MLLT3: variants seen among roughly 807,000 people sequenced by gnomAD.
MLLT3 encodes the protein protein AF-9.
Under a neutral mutation model 53.2 loss-of-function variants are expected in MLLT3, and 4 were observed. The ratio of observed to expected loss-of-function variants is 0.08; its 90% CI spans 0.04 to 0.17. The LOEUF (loss-of-function observed/expected upper bound fraction) is 0.17. Among genes scored for constraint, MLLT3 ranks in the 10% least tolerant of loss-of-function variants. MLLT3 has a pLI of 1.00. For missense variants in MLLT3, 569 were observed against 684.0 expected, an observed-to-expected ratio of 0.83 and a Z score of 1.87; for synonymous variants, 283 against 230.6, an observed-to-expected ratio of 1.23 and a Z score of -2.06.
chr9:20,545,921 G>C (rs1035314209), intron 2 of MLLT3, among the ~76,000 whole-genome samples: 1 of 151,506 alleles, frequency 6.6e-6, no homozygotes, highest in African/African-American at 2.4e-5. Context: ...GAAAGACTGA[G>C]GCAGAAGGAT....
intron 5 of MLLT3, among the ~76,000 whole-genome samples, chr9:20,373,169 T>C (rs1034444640): frequency 6.6e-6 from 1 of 152,060 alleles, no homozygotes; most frequent in Non-Finnish European, 1.5e-5. Flanking sequence ...TATAATAAAG[T>C]AAAAACACCT....
chr9:20,444,025 C>T (rs1823625295), intron 4 of MLLT3, among the ~76,000 whole-genome samples: 1 of 152,142 alleles, frequency 6.6e-6, no homozygotes, highest in Non-Finnish European at 1.5e-5. Flanking sequence ...CCCCAATATA[C>T]AATATCTAAT....
At chr9:20,584,239 C>G (rs973631131) in intron 2 of MLLT3, among the ~76,000 whole-genome samples, 13 of 152,152 alleles carry the variant, frequency 8.5e-5, no homozygotes, top group African/African-American at 3.1e-4. Flanking sequence ...CTGAGACCAC[C>G]TCAGCCTAGA....
intron 5 of MLLT3, among the ~76,000 whole-genome samples, chr9:20,392,308 C>G (rs1822205380): frequency 6.6e-6 from 1 of 152,148 alleles, no homozygotes; most frequent in Non-Finnish European, 1.5e-5. Context: ...TTTGTCAGCT[C>G]TTTAAAATGT....
At position 20,600,974 on chromosome 9, in the gene MLLT3, T is replaced by TG. The variant is rs199918097; in HGVS notation, c.193+19679_193+19680insC. On this transcript the variant is annotated intron_variant, in intron 2 of 10. Transcript: ENST00000380338. ...ATTGTGACAAAGCCCCAGGGGTCCC[T>TG]AAGGCATTTCTAGGGTTTCTTTAAA... is the stretch of plus-strand genomic sequence containing the variant. 4.0e-3 allele frequency among the ~76,000 whole-genome samples: 611 copies of TG among 152,280 alleles called. 10 individuals are homozygous for TG. In the East Asian group the frequency reaches 0.048, roughly 12 times the overall value.
chr9:20,402,973 G>A (rs796662967), intron 5 of MLLT3, among the ~76,000 whole-genome samples: 3 of 152,272 alleles, frequency 2.0e-5, no homozygotes, highest in African/African-American at 7.2e-5. Flanking sequence ...GTTTTTAAAT[G>A]GTAACAACTC....
At chr9:20,606,087 C>T (rs543855061) in intron 2 of MLLT3, among the ~76,000 whole-genome samples, 14 of 152,180 alleles carry the variant, frequency 9.2e-5, no homozygotes, top group Admixed American at 2.6e-4. Flanking sequence ...TAATTAATGA[C>T]GAGAATTCAA....
chr9:20,555,003 T>C (rs915554827), intron 2 of MLLT3, among the ~76,000 whole-genome samples: 4 of 152,364 alleles, frequency 2.6e-5, no homozygotes, highest in Non-Finnish European at 4.4e-5. Flanking sequence ...TTTTAATTAT[T>C]CCTTTCTAAT....
chr9:20,564,103 G>A (rs1029270351), intron 2 of MLLT3, among the ~76,000 whole-genome samples: 1 of 152,040 alleles, frequency 6.6e-6, no homozygotes, highest in African/African-American at 2.4e-5. Flanking sequence ...AAATATACGG[G>A]CCTATCTTTC....
chr9:20,565,622 G>A (rs1819334412), intron 2 of MLLT3, among the ~76,000 whole-genome samples: 1 of 151,532 alleles, frequency 6.6e-6, no homozygotes, highest in Admixed American at 6.6e-5. Context: ...AACATGCCCA[G>A]GTTCACTGAA....
At chr9:20,419,484 A>G (rs1236731719) in intron 4 of MLLT3, among the ~76,000 whole-genome samples, 2 of 151,850 alleles carry the variant, frequency 1.3e-5, no homozygotes, top group Non-Finnish European at 1.5e-5. Flanking sequence ...CATAAACTAA[A>G]GAGAGGGCTG....
At chr9:20,482,008 A>T (rs1824674454) in intron 2 of MLLT3, among the ~76,000 whole-genome samples, 1 of 152,218 alleles carries the variant, frequency 6.6e-6, no homozygotes, top group Admixed American at 6.5e-5. Context: ...CGAACTCAAG[A>T]GTCCTCTCCT....
intron 3 of MLLT3, among the ~76,000 whole-genome samples, chr9:20,455,387 G>C (rs1030629968): frequency 6.6e-6 from 1 of 152,248 alleles, no homozygotes; most frequent in Non-Finnish European, 1.5e-5. Flanking sequence ...CACTGTTCCA[G>C]TGGAAGGGAT....
At chr9:20,441,690 T>TTA (rs1481594816) in intron 4 of MLLT3, among the ~76,000 whole-genome samples, 1 of 152,098 alleles carries the variant, frequency 6.6e-6, no homozygotes, top group Non-Finnish European at 1.5e-5. Flanking sequence ...AATTACAGAA[T>TTA]TATATATATC....
At chr9:20,366,027 C>A in intron 5 of MLLT3, among the ~76,000 whole-genome samples, 1 of 152,170 alleles carries the variant, frequency 6.6e-6, no homozygotes, top group South Asian at 2.1e-4. Context: ...CTATACAGGT[C>A]TCCCTCTTTT....
At chr9:20,572,340 C>CAAAAT (rs1450292188) in intron 2 of MLLT3, among the ~76,000 whole-genome samples, 1 of 152,092 alleles carries the variant, frequency 6.6e-6, no homozygotes, top group Non-Finnish European at 1.5e-5. Context: ...TTCAAAATTG[C>CAAAAT]TGAGAGAGTA....
At chr9:20,487,316 A>T (rs893742948) in intron 2 of MLLT3, among the ~76,000 whole-genome samples, 1 of 152,168 alleles carries the variant, frequency 6.6e-6, no homozygotes, top group Admixed American at 6.5e-5. Context: ...TCCAAGGCTA[A>T]AATCTTGCTG....
intron 2 of MLLT3, among the ~76,000 whole-genome samples, chr9:20,581,413 T>C (rs1352511979): frequency 1.3e-5 from 2 of 152,188 alleles, no homozygotes; most frequent in African/African-American, 4.8e-5. Context: ...GATCTGCTAA[T>C]TACAAAACAT....
intron 2 of MLLT3, among the ~76,000 whole-genome samples, chr9:20,548,976 G>C (rs891730036): frequency 2.6e-5 from 4 of 151,812 alleles, no homozygotes; most frequent in Admixed American, 2.0e-4. Flanking sequence ...CTCCATACCC[G>C]GCTAATTTTA....
Sources: allele counts gnomAD v4.1 joint callset (sites outside exome capture counted in the v4.1 genomes callset), GRCh38; gene constraint gnomAD v4.1.1; transcripts MANE v1.5; gene names NCBI Gene and HGNC (gene_info 2026-07-23, HGNC 2026-07-21).